CMTM4: variants seen among roughly 807,000 people sequenced by gnomAD.
The protein encoded by CMTM4 is CKLF-like MARVEL transmembrane domain-containing protein 4.
CMTM4 carries 8 observed loss-of-function variants against 19.0 expected under a neutral mutation model. The ratio of observed to expected loss-of-function variants is 0.42; its 90% confidence interval spans 0.25 to 0.76. The LOEUF (loss-of-function observed/expected upper bound fraction) is 0.76. Ranked by LOEUF, CMTM4 falls within the 30% of genes least tolerant of loss-of-function variation. CMTM4 has a pLI of 0.27. For synonymous variants in CMTM4, 106 were observed against 121.1 expected (o/e 0.88, Z 0.82); for missense variants, 228 against 290.2 (o/e 0.79, Z 1.56).
Position 66,635,972 on chromosome 16 carries a change from T to A in CMTM4, c.363+433A>T, listed in dbSNP as rs1868729. ...CCAGGTCCTCCTAGTTGCTTTGAAT[T>A]TAATAATATTCCTAGGCTCTGTAAG... is the stretch of plus-strand genomic sequence containing the variant. On this transcript the variant is annotated intron_variant, in intron 2 of 3. Coordinates refer to ENST00000394106, the MANE Select transcript of CMTM4 (RefSeq NM_181521.3). Among the ~76,000 whole-genome samples, 1,454 of 152,288 alleles carry A rather than the reference T, an allele frequency of 9.5e-3. 76 individuals carry two copies. The East Asian group carries it at 0.16, about 16-fold the overall frequency.
Position 66,621,561 on chromosome 16 carries a change from G to C in CMTM4, c.*497C>G. On this transcript the variant is annotated 3_prime_UTR_variant, in exon 4 of 4. Transcript: ENST00000394106. ...GCCCTGTGGCCTTTGGGCTGGTGCT[G>C]GCTGCCTGGGGGCCCTGGCATGGAA... is the stretch of plus-strand genomic sequence containing the variant. 1.0e-6 allele frequency: 1 copy of C among 988,890 alleles called. No homozygotes were observed. The highest frequency in any genetic ancestry group is 1.2e-6 in the Non-Finnish European group (1 of 831,680). 61.3% of individuals were successfully genotyped at this position (988,890 alleles called of 1,614,324 possible). A position where few individuals can be genotyped will look rare whatever the true frequency, so the allele number is the denominator to read the frequency against.
chr16:66,663,115 C>T (rs1463405059), intron 1 of CMTM4, among the ~76,000 whole-genome samples: 2 of 152,206 alleles, frequency 1.3e-5, no homozygotes, highest in Non-Finnish European at 2.9e-5. Flanking sequence ...TTGAACCCAG[C>T]CAGGTTGATT....
intron 1 of CMTM4, among the ~76,000 whole-genome samples, chr16:66,678,702 G>C (rs77060267): frequency 6.6e-6 from 1 of 152,312 alleles, no homozygotes; most frequent in African/African-American, 2.4e-5. Context: ...ACATGTGTGT[G>C]CATGTGTCTG....
chr16:66,663,058 T>G lies in CMTM4; in HGVS notation c.187-26477A>C, dbSNP rs867413364. On this transcript the variant is annotated intron_variant, in intron 1 of 3. Transcript: ENST00000394106. ...GCATCACAAAGGCTTTGAAACAGAA[T>G]TGATATTGAACCTTCAACCCACAGA... Among the ~76,000 whole-genome samples the G allele has an allele frequency of 5.9e-5, 9 of 152,166 alleles. No homozygotes were observed. The East Asian group carries it at 1.5e-3, about 26-fold the overall frequency.
intron 1 of CMTM4, among the ~76,000 whole-genome samples, chr16:66,666,542 A>G (rs1003319205): frequency 6.6e-6 from 1 of 152,246 alleles, no homozygotes; most frequent in African/African-American, 2.4e-5. Context: ...TCTTGTATCC[A>G]AAGTATATAA....
chr16:66,659,011 C>G (rs1010777316), intron 1 of CMTM4, among the ~76,000 whole-genome samples: 5 of 152,222 alleles, frequency 3.3e-5, no homozygotes, highest in Non-Finnish European at 5.9e-5. Context: ...CATCCCACCC[C>G]CAACCCCATC....
At chr16:66,694,270 G>A (rs1407164474) in intron 1 of CMTM4, among the ~76,000 whole-genome samples, 1 of 151,856 alleles carries the variant, frequency 6.6e-6, no homozygotes, top group African/African-American at 2.4e-5. Flanking sequence ...ATCCTTTTAG[G>A]GACAAGTTCT....
chr16:66,664,530 C>A (rs547143306), intron 1 of CMTM4, among the ~76,000 whole-genome samples: 19 of 151,970 alleles, frequency 1.3e-4, no homozygotes, highest in South Asian at 6.2e-4. Context: ...GGTAAAGGGA[C>A]CTATGTACTT....
chr16:66,605,817 C>T, the CMTM4 span, among the ~76,000 whole-genome samples: 3 of 152,292 alleles, frequency 2.0e-5, no homozygotes, highest in African/African-American at 7.2e-5. The surrounding 1 kb of genome is among the most constrained non-coding windows in gnomAD (Gnocchi z 4.6). Context: ...GGATTCTGCT[C>T]CGGGACCTCT....
chr16:66,659,695 T>C (rs574381086), intron 1 of CMTM4, among the ~76,000 whole-genome samples: 1 of 152,320 alleles, frequency 6.6e-6, no homozygotes, highest in African/African-American at 2.4e-5. Context: ...TAAAATAAAG[T>C]TCGTAACTGA....
At chr16:66,600,627 T>A in the CMTM4 span, among the ~76,000 whole-genome samples, 1 of 120,528 alleles carries the variant, frequency 8.3e-6, no homozygotes, top group African/African-American at 3.2e-5. Context: ...CCCAAACACC[T>A]TGGCTCAGTC....
At chr16:66,612,665 A>G, downstream of CMTM4, 1 of 1,612,386 alleles carries the variant, frequency 6.2e-7, no homozygotes, top group Non-Finnish European at 8.5e-7. The surrounding 1 kb of genome is among the most constrained non-coding windows in gnomAD (Gnocchi z 6.0). Context: ...TGGCAACCTG[A>G]GCCACACAGG....
chr16:66,610,727 G>T, downstream of CMTM4: 1 of 398,284 alleles, frequency 2.5e-6, no homozygotes, highest in Non-Finnish European at 4.4e-6. This position sits in a 1 kb window ranked among gnomAD's most constrained non-coding sequence, Gnocchi z 4.6. Context: ...TGCTGGCAGT[G>T]CCTGTGGCTG....
At chr16:66,674,994 C>G (rs1175541626) in intron 1 of CMTM4, among the ~76,000 whole-genome samples, 1 of 151,398 alleles carries the variant, frequency 6.6e-6, no homozygotes, top group Non-Finnish European at 1.5e-5. Context: ...CCACCCGCCT[C>G]GGCCTCCCAA....
downstream of CMTM4, chr16:66,612,575 C>A: frequency 2.5e-6 from 4 of 1,613,084 alleles, no homozygotes; most frequent in Non-Finnish European, 3.4e-6. The surrounding 1 kb of genome is among the most constrained non-coding windows in gnomAD (Gnocchi z 6.0). Flanking sequence ...TGCCCTGAGC[C>A]TCCTGCCAAG....
At chr16:66,603,538 C>A in the CMTM4 span, among the ~76,000 whole-genome samples, 1 of 152,188 alleles carries the variant, frequency 6.6e-6, no homozygotes, top group Admixed American at 6.5e-5. Context: ...CCACCCACCT[C>A]AGCCTCCCAA....
At chr16:66,681,644 T>C (rs1293940361) in intron 1 of CMTM4, among the ~76,000 whole-genome samples, 1 of 152,138 alleles carries the variant, frequency 6.6e-6, no homozygotes, top group African/African-American at 2.4e-5. Context: ...TATTTTGTAT[T>C]TATGCATATC....
At chr16:66,651,512 GGCA>G (rs1387514204) in intron 1 of CMTM4, among the ~76,000 whole-genome samples, 2 of 152,176 alleles carry the variant, frequency 1.3e-5, no homozygotes, top group African/African-American at 4.8e-5. Context: ...TCAGGAAGCA[GGCA>G]GCACCTCCAT....
chr16:66,608,121 C>G, the CMTM4 span, among the ~76,000 whole-genome samples: 1 of 152,158 alleles, frequency 6.6e-6, no homozygotes, highest in African/African-American at 2.4e-5. This position sits in a 1 kb window ranked among gnomAD's most constrained non-coding sequence, Gnocchi z 5.1. Context: ...GCTAGGATTA[C>G]AGGTGTGAGC....
Sources: gnomAD v4.1 joint callset for allele counts (sites outside exome capture counted in the v4.1 genomes callset) on GRCh38, gnomAD v4.1.1 for gene constraint, Gnocchi (gnomAD v3.1) non-coding constraint, MANE v1.5 for transcripts, NCBI Gene and HGNC (gene_info 2026-07-23, HGNC 2026-07-21) for gene names.